TMEM132D: variants seen among roughly 807,000 people sequenced by gnomAD.
The protein encoded by TMEM132D is mature OL transmembrane protein.
In TMEM132D, 21 loss-of-function variants were observed where a neutral mutation model predicts 62.3. The ratio of observed to expected loss-of-function variants is 0.34; its 90% CI spans 0.24 to 0.49. The LOEUF (loss-of-function observed/expected upper bound fraction) is 0.49, where lower values mean the gene tolerates loss of function less well. TMEM132D is among the 20% of genes least tolerant of loss of function. The pLI is 0.99. For missense variants in TMEM132D, 1,346 were observed against 1,402.8 expected, an observed-to-expected ratio of 0.96 and a Z score of 0.65; for synonymous variants, 621 against 575.6, an observed-to-expected ratio of 1.08 and a Z score of -1.13.
intron 2 of TMEM132D, among the ~76,000 whole-genome samples, chr12:129,684,774 G>A (rs1461098922): frequency 6.6e-6 from 1 of 152,050 alleles, no homozygotes; most frequent in Non-Finnish European, 1.5e-5. Flanking sequence ...TGCTGACAGT[G>A]ATATGGACAA....
chr12:129,350,281 G>A (rs1869822350), intron 3 of TMEM132D, among the ~76,000 whole-genome samples: 1 of 152,138 alleles, frequency 6.6e-6, no homozygotes, highest in African/African-American at 2.4e-5. Context: ...CAGCAGGGAA[G>A]TTGGATCCTA....
chr12:129,889,102 G>A (rs944381138), intron 1 of TMEM132D, among the ~76,000 whole-genome samples: 9 of 152,174 alleles, frequency 5.9e-5, no homozygotes, highest in African/African-American at 1.9e-4. Flanking sequence ...GAGGGAGAGT[G>A]TCTGAATAGA....
intron 4 of TMEM132D, among the ~76,000 whole-genome samples, chr12:129,236,514 C>CAAAAAAAAAAA (rs60745384): frequency 2.5e-4 from 17 of 66,716 alleles, no homozygotes; most frequent in East Asian, 6.5e-4. Context: ...GACTCCATCT[C>CAAAAAAAAAAA]AAAAAAAAAA....
intron 5 of TMEM132D, among the ~76,000 whole-genome samples, chr12:129,122,507 C>A (rs554300143): frequency 5.3e-4 from 81 of 152,142 alleles, no homozygotes; most frequent in Non-Finnish European, 7.8e-4. Context: ...CTCTGTATCT[C>A]CAGGACTTGG....
intron 3 of TMEM132D, among the ~76,000 whole-genome samples, chr12:129,494,665 A>G (rs1206812003): frequency 6.6e-6 from 1 of 152,114 alleles, no homozygotes; most frequent in Non-Finnish European, 1.5e-5. Flanking sequence ...TATAGTAATT[A>G]CCATCTCCCC....
At chr12:129,815,537 G>A (rs1161862103) in intron 1 of TMEM132D, among the ~76,000 whole-genome samples, 2 of 152,170 alleles carry the variant, frequency 1.3e-5, no homozygotes, top group East Asian at 3.9e-4. Flanking sequence ...GGGCCCGACT[G>A]CATTTCTAGA....
At chr12:129,526,382 T>C (rs1208450935) in intron 3 of TMEM132D, among the ~76,000 whole-genome samples, 1 of 152,092 alleles carries the variant, frequency 6.6e-6, no homozygotes, top group Non-Finnish European at 1.5e-5. Flanking sequence ...CCTCCCAGGT[T>C]CAAGCGATTC....
intron 2 of TMEM132D, among the ~76,000 whole-genome samples, chr12:129,662,691 G>A (rs1036218516): frequency 1.3e-5 from 2 of 151,306 alleles, no homozygotes; most frequent in Non-Finnish European, 2.9e-5. Context: ...TAATCAGGAG[G>A]CTGAGGCAGG....
In TMEM132D at chr12:129,071,985, T is replaced by C. The variant is rs1874081241; in HGVS notation, c.*1890A>G. ...AAGCTTGCGGACAGGAGCAGGTGAC[T>C]TACTGGCTGCAGAAACCTCAGTCTC... On this transcript the variant is annotated 3_prime_UTR_variant, in exon 9 of 9. Coordinates refer to ENST00000422113, the MANE Select transcript of TMEM132D (RefSeq NM_133448.3). 1 of 152,128 alleles carries C rather than the reference T, an allele frequency of 6.6e-6. No homozygotes were observed. Among genetic ancestry groups the C allele is most frequent in the African/African-American group, 2.4e-5 (1 of 41,428 alleles). The allele number at this position is 152,128 out of a possible 1,614,324, so 9.4% of individuals were successfully genotyped here. A position where few individuals can be genotyped will look rare whatever the true frequency, so the allele number is the denominator to read the frequency against.
intron 5 of TMEM132D, among the ~76,000 whole-genome samples, chr12:129,188,365 A>G (rs1878277742): frequency 6.6e-6 from 1 of 152,214 alleles, no homozygotes; most frequent in Non-Finnish European, 1.5e-5. Context: ...TGGATTGGCC[A>G]ATACTCCAGC....
chr12:129,382,308 C>T (rs778507147), intron 3 of TMEM132D, among the ~76,000 whole-genome samples: 9 of 152,136 alleles, frequency 5.9e-5, no homozygotes, highest in Admixed American at 2.0e-4. Context: ...AATTCCTTCC[C>T]GTCCATTAAG....
intron 3 of TMEM132D, among the ~76,000 whole-genome samples, chr12:129,475,286 C>T (rs36036070): frequency 0.36 from 54,305 of 151,984 alleles, 9,940 homozygotes; most frequent in Middle Eastern, 0.43. Flanking sequence ...ACAAAGAAGG[C>T]CACTGTGGCC....
intron 3 of TMEM132D, among the ~76,000 whole-genome samples, chr12:129,361,766 T>G (rs903582220): frequency 1.3e-5 from 2 of 152,150 alleles, no homozygotes; most frequent in African/African-American, 4.8e-5. Flanking sequence ...AGAAAACCAT[T>G]TGTACTACTT....
chr12:129,548,184 T>TG (rs1876792269), intron 2 of TMEM132D, among the ~76,000 whole-genome samples: 8 of 152,154 alleles, frequency 5.3e-5, no homozygotes, highest in Admixed American at 5.2e-4. Flanking sequence ...GGCCTGGCCT[T>TG]GGGGTTCCCG....
intron 3 of TMEM132D, among the ~76,000 whole-genome samples, chr12:129,524,718 C>A (rs967734431): frequency 2.0e-5 from 3 of 151,520 alleles, no homozygotes; most frequent in Non-Finnish European, 2.9e-5. Flanking sequence ...ACAAATATAT[C>A]TCTAAAGTGG....
intron 3 of TMEM132D, among the ~76,000 whole-genome samples, chr12:129,354,240 A>C (rs2135670051): frequency 6.6e-6 from 1 of 152,134 alleles, no homozygotes; most frequent in African/African-American, 2.4e-5. Context: ...TCTTTTCCAA[A>C]AGAATAAGAC....
At position 129,713,748 on chromosome 12, in the gene TMEM132D, C is replaced by T. The variant is rs1868464475; in HGVS notation, c.80-13050G>A. Among the ~76,000 whole-genome samples, 5 of 152,336 alleles carry T rather than the reference C, an allele frequency of 3.3e-5. No individual in the cohort carries two copies. The South Asian group carries it at 1.0e-3, about 32-fold the overall frequency. On this transcript the variant is annotated intron_variant, in intron 1 of 8. Coordinates refer to ENST00000422113, the MANE Select transcript of TMEM132D (RefSeq NM_133448.3). ...CTGGTCTCCACTGAGTTCAGTGCTT[C>T]TCCAACATTGGCCTACATGTGACTC...
Position 129,281,433 on chromosome 12 carries a change from A to AAG in TMEM132D, c.1299+56200_1299+56201insCT, listed in dbSNP as rs1194256460. Among the ~76,000 whole-genome samples, 631 of 151,546 alleles carry AAG rather than the reference A, an allele frequency of 4.2e-3. 10 individuals carry two copies. Among genetic ancestry groups the AAG allele is most frequent in the African/African-American group, 0.014 (586 of 41,358 alleles). On this transcript the variant is annotated intron_variant, in intron 4 of 8. Transcript: ENST00000422113. The stretch of plus-strand genomic sequence containing the variant: ...TAAATAAATTCTTTTTTTTTTAAAA[A>AAG]AAAAAAGAAAGAAAATGAGAAGTCT...
chr12:129,866,894 T>C (rs1363978421), intron 1 of TMEM132D, among the ~76,000 whole-genome samples: 1 of 152,178 alleles, frequency 6.6e-6, no homozygotes, highest in Non-Finnish European at 1.5e-5. Flanking sequence ...TGTCCATTAA[T>C]GAACGAATGG....
Sources: allele counts gnomAD v4.1 joint callset (sites outside exome capture counted in the v4.1 genomes callset), GRCh38; gene constraint gnomAD v4.1.1; transcripts MANE v1.5; gene names NCBI Gene and HGNC (gene_info 2026-07-23, HGNC 2026-07-21).